Variants in ZFHX3 observed in about 807,000 individuals in gnomAD.
The protein encoded by ZFHX3 is zinc finger homeobox 3.
In ZFHX3, 42 loss-of-function variants were observed where a neutral mutation model predicts 279.1. That is an observed-to-expected ratio of 0.15 (90% CI 0.12 to 0.19). The LOEUF (loss-of-function observed/expected upper bound fraction) is 0.19, where lower values mean the gene tolerates loss of function less well. ZFHX3 is among the 10% of genes least tolerant of loss of function. The pLI is 1.00. For synonymous variants in ZFHX3, 2,293 were observed against 1,957.8 expected, an observed-to-expected ratio of 1.17 and a Z score of -4.52; for missense variants, 4,981 against 4,754.0, an observed-to-expected ratio of 1.05 and a Z score of -1.40.
At chr16:73,421,858 C>T (rs569614030) in intron 3 of ZFHX3, among the ~76,000 whole-genome samples, 67 of 152,224 alleles carry the variant, frequency 4.4e-4, no homozygotes, top group African/African-American at 1.4e-3. Context: ...AAAGCCCTGC[C>T]TTGACTTATA....
At chr16:73,782,884 G>A (rs1363399081) in intron 1 of ZFHX3, among the ~76,000 whole-genome samples, 1 of 152,192 alleles carries the variant, frequency 6.6e-6, no homozygotes, top group East Asian at 1.9e-4. Flanking sequence ...GTTGTGTTAA[G>A]CTTCTGCAAA....
chr16:73,852,769 G>C (rs951548622), intron 1 of ZFHX3, among the ~76,000 whole-genome samples: 4 of 152,174 alleles, frequency 2.6e-5, no homozygotes, highest in African/African-American at 9.7e-5. Flanking sequence ...GATCCTGTTG[G>C]CTAGGATTAG....
intron 4 of ZFHX3, among the ~76,000 whole-genome samples, chr16:73,318,004 C>G (rs2143187009): frequency 6.6e-6 from 1 of 152,278 alleles, no homozygotes; most frequent in South Asian, 2.1e-4. Flanking sequence ...GGTTATGAGT[C>G]CTTACAGGGA....
intron 3 of ZFHX3, among the ~76,000 whole-genome samples, chr16:73,376,652 C>T (rs941162983): frequency 3.3e-5 from 5 of 152,060 alleles, no homozygotes; most frequent in African/African-American, 4.8e-5. Flanking sequence ...TGGCAACAAC[C>T]GTACGGGAAG....
intron 1 of ZFHX3, chr16:73,015,533 C>A (rs1964071605): frequency 6.6e-6 from 1 of 152,226 alleles, no homozygotes; most frequent in African/African-American, 2.4e-5. Flanking sequence ...ATAGGAGACA[C>A]CGAACTAGAA....
At chr16:73,394,527 C>A (rs1217967989) in intron 3 of ZFHX3, among the ~76,000 whole-genome samples, 1 of 152,082 alleles carries the variant, frequency 6.6e-6, no homozygotes, top group Non-Finnish European at 1.5e-5. Flanking sequence ...GAACTCTTAG[C>A]CACAAGTGAT....
At chr16:73,101,723 A>G (rs1966233824) in intron 7 of ZFHX3, among the ~76,000 whole-genome samples, 1 of 150,262 alleles carries the variant, frequency 6.7e-6, no homozygotes. Flanking sequence ...TTTCTTCCAG[A>G]TTGTATTACA....
intron 1 of ZFHX3, among the ~76,000 whole-genome samples, chr16:73,804,081 TG>T (rs1960208540): frequency 6.6e-6 from 1 of 152,168 alleles, no homozygotes; most frequent in Non-Finnish European, 1.5e-5. Flanking sequence ...CACTTTAGCC[TG>T]GGAGGCTGAG....
chr16:73,870,605 G>T lies in ZFHX3; in HGVS notation c.-1608+21046C>A, dbSNP rs377465163. 2.1e-4 allele frequency among the ~76,000 whole-genome samples: 32 copies of T among 152,252 alleles called. 3 individuals are homozygous for T. The highest frequency in any genetic ancestry group is 1.6e-3 in the Admixed American group (24 of 15,298). On this transcript the variant is annotated intron_variant, in intron 1 of 17. Coordinates refer to the ZFHX3 transcript ENST00000641206. ...ACTAGGAAAATGGCATTTGCAAAGC[G>T]TCTGAGAGCACACTCCTCTTCCTTC...
chr16:73,640,421 CA>C (rs5817858), intron 2 of ZFHX3, among the ~76,000 whole-genome samples: 148,935 of 151,782 alleles, frequency 0.98, 73,091 homozygotes, highest in East Asian at 1. Context: ...AAATAAACTG[CA>C]AAAAAAAAGA....
At chr16:73,496,330 A>G (rs1195361114) in intron 2 of ZFHX3, among the ~76,000 whole-genome samples, 2 of 152,204 alleles carry the variant, frequency 1.3e-5, no homozygotes, top group African/African-American at 4.8e-5. Context: ...CAGGAGTTTG[A>G]GACCAGCCTG....
At chr16:73,611,782 TG>T (rs2052249447) in intron 2 of ZFHX3, among the ~76,000 whole-genome samples, 2 of 152,174 alleles carry the variant, frequency 1.3e-5, no homozygotes, top group South Asian at 4.1e-4. Context: ...AATTTATAGT[TG>T]TTTCTGCACC....
intron 2 of ZFHX3, among the ~76,000 whole-genome samples, chr16:73,645,405 C>T (rs1215006758): frequency 2.6e-5 from 4 of 152,088 alleles, no homozygotes; most frequent in Non-Finnish European, 5.9e-5. Context: ...TACAGGCGCC[C>T]GCCGCCACAC....
intron 4 of ZFHX3, among the ~76,000 whole-genome samples, chr16:72,847,287 T>A (rs930368246): frequency 2.6e-5 from 4 of 152,200 alleles, no homozygotes; most frequent in Admixed American, 2.6e-4. Flanking sequence ...GAAGAAAGTC[T>A]GCTCAACTCA....
chr16:73,527,920 C>T (rs2019722756), intron 2 of ZFHX3, among the ~76,000 whole-genome samples: 2 of 152,228 alleles, frequency 1.3e-5, no homozygotes, highest in South Asian at 4.1e-4. Flanking sequence ...TACATAAATC[C>T]AAACTCCTGA....
intron 2 of ZFHX3, among the ~76,000 whole-genome samples, chr16:73,500,679 A>G (rs2019221048): frequency 8.1e-6 from 1 of 123,380 alleles, no homozygotes; most frequent in African/African-American, 3.3e-5. Flanking sequence ...AAAAAAAAAG[A>G]GTTTTAAAAT....
chr16:72,803,620 A>G (rs1372617796), intron 7 of ZFHX3, among the ~76,000 whole-genome samples: 2 of 152,200 alleles, frequency 1.3e-5, no homozygotes, highest in African/African-American at 4.8e-5. Flanking sequence ...GCCAAACGAA[A>G]AAAGTTCTAA....
At chr16:73,202,024 A>C (rs951411578) in intron 5 of ZFHX3, among the ~76,000 whole-genome samples, 4 of 152,258 alleles carry the variant, frequency 2.6e-5, no homozygotes, top group East Asian at 1.9e-4. Context: ...CACCAAGAAC[A>C]TAAATCAGTG....
At chr16:73,283,770 A>G (rs568941461) in intron 4 of ZFHX3, among the ~76,000 whole-genome samples, 1 of 151,806 alleles carries the variant, frequency 6.6e-6, no homozygotes, top group East Asian at 2.0e-4. Flanking sequence ...ATAGTGAGAC[A>G]TTATCTCTAC....
Sources: allele counts gnomAD v4.1 joint callset (sites outside exome capture counted in the v4.1 genomes callset), GRCh38; gene constraint gnomAD v4.1.1; transcripts MANE v1.5; gene names NCBI Gene and HGNC (gene_info 2026-07-23, HGNC 2026-07-21).